The following CEACAM21 variants were observed in gnomAD, a reference collection of about 807,000 sequenced individuals.
CEACAM21 encodes cell adhesion molecule CEACAM21.
In CEACAM21, 38 loss-of-function variants were observed where a neutral mutation model predicts 33.2. The ratio of observed to expected loss-of-function variants is 1.14; its 90% CI spans 0.88 to 1.50. The LOEUF (loss-of-function observed/expected upper bound fraction) is 1.50, where lower values mean the gene tolerates loss of function less well. Ranked by LOEUF, CEACAM21 falls within the 40% of genes most tolerant of loss-of-function variation. The pLI, the probability that CEACAM21 is intolerant of heterozygous loss-of-function variation, is 0.00. For missense variants in CEACAM21, 385 were observed against 364.6 expected (o/e 1.06, Z -0.46); for synonymous variants, 156 against 143.0 (o/e 1.09, Z -0.65).
intron 2 of CEACAM21, chr19:41,565,089 C>T (rs2042159387): frequency 6.6e-6 from 1 of 152,436 alleles, no homozygotes; most frequent in Admixed American, 6.5e-5. Context: ...ATTCGCGCCC[C>T]GAGGCGCCCC....
intron 1 of CEACAM21, among the ~76,000 whole-genome samples, chr19:41,559,494 C>A (rs1184915189): frequency 5.3e-5 from 8 of 152,082 alleles, no homozygotes; most frequent in Non-Finnish European, 1.2e-4. Flanking sequence ...TCATGAGCTA[C>A]TTACCCATTT....
intron 1 of CEACAM21, chr19:41,551,213 G>A (rs1157012508): frequency 1.4e-5 from 2 of 144,344 alleles, no homozygotes; most frequent in African/African-American, 5.2e-5. Flanking sequence ...AGGCTGGAGT[G>A]TAATGGTGCG....
chr19:41,552,447 T>A (rs2122153961), intron 1 of CEACAM21, among the ~76,000 whole-genome samples: 1 of 152,310 alleles, frequency 6.6e-6, no homozygotes, highest in Non-Finnish European at 1.5e-5. Flanking sequence ...GTAAAACCCT[T>A]GGTGGGCTTT....
chr19:41,555,921 T>C (rs2041496970), intron 1 of CEACAM21, among the ~76,000 whole-genome samples: 1 of 152,194 alleles, frequency 6.6e-6, no homozygotes, highest in African/African-American at 2.4e-5. Flanking sequence ...CCAGCAGCCG[T>C]TGCACTCACA....
In CEACAM21 at chr19:41,584,421, C is replaced by T. The variant is rs1555794503; in HGVS notation, c.775C>T (p.Leu259=). The stretch of plus-strand genomic sequence containing the variant: ...TCTGGTGGCTGCACTTGTGTGTTTC[C>T]TGCTCCTCCGAAAAACTGGCAGGTA... ...SLLVAALVCF[L]LLRKTGRASD... The change falls in exon 4 of 7, where the codon CTG becomes TTG. Residue 259 remains leucine, a synonymous_variant. Coordinates refer to ENST00000401445, the MANE Select transcript of CEACAM21 (RefSeq NM_001098506.4). 6.2e-6 allele frequency: 10 copies of T among 1,608,238 alleles called. No homozygotes were observed. Among genetic ancestry groups the T allele is most frequent in the Non-Finnish European group, 7.6e-6 (9 of 1,177,082 alleles).
At chr19:41,583,784 A>T (rs782710883) in intron 3 of CEACAM21, among the ~76,000 whole-genome samples, 7 of 152,178 alleles carry the variant, frequency 4.6e-5, no homozygotes, top group Non-Finnish European at 7.3e-5. Context: ...GGATTATTAC[A>T]ATTCAAGGTG....
chr19:41,581,035 TG>T (rs2043338288), intron 3 of CEACAM21, among the ~76,000 whole-genome samples: 1 of 152,250 alleles, frequency 6.6e-6, no homozygotes, highest in African/African-American at 2.4e-5. Flanking sequence ...TGTATTAGTC[TG>T]TTGGGAGCAA....
At chr19:41,578,726 C>T (rs557915373) in intron 2 of CEACAM21, among the ~76,000 whole-genome samples, 90 of 152,284 alleles carry the variant, frequency 5.9e-4, no homozygotes, top group African/African-American at 2.1e-3. Flanking sequence ...CCAGGATTGT[C>T]CAAGCCTCTC....
At chr19:41,551,657 C>A (rs146139197) in intron 1 of CEACAM21, 118 of 149,266 alleles carry the variant, frequency 7.9e-4, no homozygotes, top group African/African-American at 2.8e-3. Flanking sequence ...GGGTTTGAGT[C>A]CTGAGGGTGT....
chr19:41,577,514 A>C lies in CEACAM21; in HGVS notation c.379A>C (p.Arg127=). ...ATACTACAACCTACAAGTCACATAC[A>C]GAAATTCTCAGATTGAACAGGCATC... The part of the protein sequence containing the change: ...TGYYNLQVTY[R]NSQIEQASHH... Residue 127 remains arginine, a synonymous_variant, in exon 2 of 7, where the codon AGA becomes CGA. Coordinates refer to ENST00000401445, the MANE Select transcript of CEACAM21 (RefSeq NM_001098506.4). The C allele has an allele frequency of 6.2e-7, 1 of 1,614,072 alleles. No homozygotes were observed. The highest frequency in any genetic ancestry group is 8.5e-7 in the Non-Finnish European group (1 of 1,179,996).
chr19:41,579,336 G>C lies in CEACAM21; in HGVS notation c.425-17G>C, dbSNP rs1448849474. On this transcript the variant is annotated splice_polypyrimidine_tract_variant and intron_variant, in intron 2 of 6. Coordinates refer to ENST00000401445, the MANE Select transcript of CEACAM21 (RefSeq NM_001098506.4). ...GCATGGCCCCAAGACACTTTCTGTT[G>C]GTCACTCTATCCACAGAGTCAGTGG... 6.2e-7 allele frequency: 1 copy of C among 1,613,806 alleles called. No homozygotes were observed. The highest frequency in any genetic ancestry group is 8.5e-7 in the Non-Finnish European group (1 of 1,179,886).
intron 1 of CEACAM21, among the ~76,000 whole-genome samples, chr19:41,554,573 G>A (rs1391723440): frequency 3.9e-5 from 6 of 152,010 alleles, no homozygotes; most frequent in Admixed American, 1.3e-4. Context: ...AATGCTTCCT[G>A]TATGATTTTT....
In CEACAM21 at chr19:41,577,351, G is replaced by C. The variant is rs781819746; in HGVS notation, c.216G>C (p.Thr72=). The C allele has an allele frequency of 6.2e-7, 1 of 1,613,982 alleles. No individual in the cohort carries two copies. Among genetic ancestry groups the C allele is most frequent in the South Asian group, 1.1e-5 (1 of 91,066 alleles). Residue 72 remains threonine (T), a synonymous_variant, in exon 2 of 7, where the codon ACG becomes ACC. Transcript: ENST00000401445. ...LYSYGWYKGK[T]VEPNQLIAAY... The stretch of plus-strand genomic sequence containing the variant: ...GCTATGGCTGGTACAAAGGGAAAAC[G>C]GTGGAGCCCAACCAGCTAATCGCAG...
chr19:41,566,530 C>G (rs2042277164), intron 2 of CEACAM21, among the ~76,000 whole-genome samples: 1 of 152,136 alleles, frequency 6.6e-6, no homozygotes, highest in African/African-American at 2.4e-5. Context: ...CGTATGATAA[C>G]ATATTTTGCT....
chr19:41,577,104 C>T, intron 1 of CEACAM21, 96 bp from the exon 2 acceptor site: 2 of 1,418,234 alleles, frequency 1.4e-6, no homozygotes, highest in Non-Finnish European at 2.0e-6. Context: ...CACACACCCT[C>T]TAAGGCTGAG....
intron 2 of CEACAM21, among the ~76,000 whole-genome samples, chr19:41,567,895 T>TA (rs35461515): frequency 0.048 from 6,724 of 139,894 alleles, 179 homozygotes; most frequent in Non-Finnish European, 0.065. Context: ...GAAGATGCAG[T>TA]AAAAAAAAAA....
intron 3 of CEACAM21, among the ~76,000 whole-genome samples, chr19:41,582,095 A>C (rs138639844): frequency 0.98 from 148,958 of 152,370 alleles, 72,830 homozygotes; most frequent in East Asian, 1. Flanking sequence ...GGTAAATACA[A>C]CCATTCCAAA....
chr19:41,564,331 A>ACTATTTATTTAT (rs2042105837), intron 1 of CEACAM21, among the ~76,000 whole-genome samples: 1 of 148,324 alleles, frequency 6.7e-6, no homozygotes, highest in Non-Finnish European at 1.5e-5. Flanking sequence ...TGAGTTATTT[A>ACTATTTATTTAT]TTATTTATTT....
At position 41,569,904 on chromosome 19, in the gene CEACAM21, A is replaced by T. The variant is rs553589238; in HGVS notation, c.-404+4848A>T. ...GTTCAGTCATTCCTGGCGTCCTCCC[A>T]CACCCCCAGCCTGACTTGCAGACAC... On this transcript the variant is annotated intron_variant, in intron 2 of 7. Transcript: ENST00000407170. Among the ~76,000 whole-genome samples, 4 of 152,204 alleles carry T rather than the reference A, an allele frequency of 2.6e-5. No homozygotes were observed. The South Asian group carries it at 6.2e-4, about 24-fold the overall frequency.
Sources: gnomAD v4.1 joint callset for allele counts (sites outside exome capture counted in the v4.1 genomes callset) on GRCh38, gnomAD v4.1.1 for gene constraint, MANE v1.5 for transcripts, NCBI Gene and HGNC (gene_info 2026-07-23, HGNC 2026-07-21) for gene names.